Variants in FUBP3 observed in about 807,000 individuals in gnomAD.
FUBP3 encodes the protein far upstream element-binding protein 3.
FUBP3 carries 28 observed loss-of-function variants against 85.6 expected under a neutral mutation model. The observed-to-expected ratio is 0.33, with a 90% CI of 0.24 to 0.45. The LOEUF (loss-of-function observed/expected upper bound fraction) is 0.45. Ranked by LOEUF, FUBP3 falls within the 20% of genes least tolerant of loss-of-function variation. The pLI is 1.00. For missense variants in FUBP3, 583 were observed against 755.1 expected, an observed-to-expected ratio of 0.77 and a Z score of 2.67; for synonymous variants, 271 against 271.4, an observed-to-expected ratio of 1.00 and a Z score of 0.01.
chr9:130,637,373 C>G lies in FUBP3; in HGVS notation c.*351C>G, dbSNP rs1830455242. The G allele has an allele frequency of 4.0e-6, 1 of 248,838 alleles. No homozygotes were observed. Among genetic ancestry groups the G allele is most frequent in the South Asian group, 7.4e-5 (1 of 13,596 alleles). The allele number at this position is 248,838 out of a possible 1,614,324, so 15.4% of individuals were successfully genotyped here. On this transcript the variant is annotated 3_prime_UTR_variant, in exon 19 of 19. Transcript: ENST00000319725. ...GTGTCCTTTTTATTTGCAGTTTTTT[C>G]TGTTGCAACAGAAAGTGGCTTGGAA...
chr9:130,596,872 C>T (rs569126814), intron 2 of FUBP3, among the ~76,000 whole-genome samples: 11 of 152,182 alleles, frequency 7.2e-5, no homozygotes, highest in African/African-American at 2.2e-4. Flanking sequence ...TCGTGGAAAA[C>T]GGGGGTATCC....
chr9:130,620,076 A>T (rs537943598), intron 8 of FUBP3, among the ~76,000 whole-genome samples: 1 of 152,326 alleles, frequency 6.6e-6, no homozygotes, highest in South Asian at 2.1e-4. Flanking sequence ...GGGTGATAGG[A>T]ATCCATTTCT....
rs114188472 is a variant in FUBP3 at position 130,628,474 on chromosome 9, G to A, written c.1117+1969G>A. On this transcript the variant is annotated intron_variant, in intron 12 of 18. Transcript: ENST00000319725. ...TCTATAGACAGCCACCATGTGCCAA[G>A]CTAGTGACCTCATTTTGAAGGAAGA... 4.0e-3 allele frequency among the ~76,000 whole-genome samples: 607 copies of A among 152,362 alleles called. 4 individuals carry two copies. The highest frequency in any genetic ancestry group is 0.014 in the African/African-American group (590 of 41,586).
intron 2 of FUBP3, among the ~76,000 whole-genome samples, chr9:130,605,139 CT>C (rs1341206937): frequency 2.0e-5 from 3 of 152,174 alleles, no homozygotes; most frequent in Non-Finnish European, 2.9e-5. Context: ...AAGCTTAGGG[CT>C]ATGAATATAC....
At position 130,631,598 on chromosome 9, in the gene FUBP3, A is replaced by G; in HGVS notation, c.1320A>G (p.Pro440=). ...LGAPGAFGQS[P]FSQPPAPPHQ... ...CACCTGGAGCCTTCGGACAGAGTCC[A>G]TTCAGCCAGCCACCTGCCCCACCTC... The change falls in exon 14 of 19, where the codon CCA becomes CCG. Residue 440 remains proline, a synonymous_variant. Coordinates refer to ENST00000319725, the MANE Select transcript of FUBP3 (RefSeq NM_003934.2). The G allele has an allele frequency of 1.2e-6, 2 of 1,614,074 alleles. No homozygotes were observed. Among genetic ancestry groups the G allele is most frequent in the Non-Finnish European group, 1.7e-6 (2 of 1,179,924 alleles).
At chr9:130,601,499 T>C (rs1831151409) in intron 2 of FUBP3, among the ~76,000 whole-genome samples, 1 of 152,088 alleles carries the variant, frequency 6.6e-6, no homozygotes, top group Non-Finnish European at 1.5e-5. Context: ...TTCAGGAGAG[T>C]ACAGCACTGT....
chr9:130,622,485 C>T (rs951789955), intron 9 of FUBP3, among the ~76,000 whole-genome samples: 2 of 151,838 alleles, frequency 1.3e-5, no homozygotes, highest in Non-Finnish European at 2.9e-5. Context: ...TACAAAAATT[C>T]GCCGAGCATA....
intron 1 of FUBP3, among the ~76,000 whole-genome samples, chr9:130,587,187 C>T (rs1051042381): frequency 6.6e-6 from 1 of 151,976 alleles, no homozygotes. Flanking sequence ...GCCTCAGCCT[C>T]CCAAGTAGCT....
At chr9:130,619,960 T>C in intron 8 of FUBP3, among the ~76,000 whole-genome samples, 1 of 152,336 alleles carries the variant, frequency 6.6e-6, no homozygotes, top group South Asian at 2.1e-4. Context: ...CAGTGGGCGC[T>C]CTTAGACACC....
intron 8 of FUBP3, among the ~76,000 whole-genome samples, chr9:130,618,986 A>G (rs1178713191): frequency 3.9e-5 from 6 of 152,202 alleles, no homozygotes; most frequent in Admixed American, 1.3e-4. Context: ...CAGAGCTCCC[A>G]GCCTTCTCTC....
chr9:130,615,972 T>C (rs184893605), intron 6 of FUBP3, among the ~76,000 whole-genome samples: 35 of 152,334 alleles, frequency 2.3e-4, no homozygotes, highest in African/African-American at 7.7e-4. Context: ...ATATTGAGTC[T>C]ACTCTGTGAG....
chr9:130,623,219 A>G (rs1019826621), intron 10 of FUBP3, among the ~76,000 whole-genome samples: 1 of 152,198 alleles, frequency 6.6e-6, no homozygotes, highest in Non-Finnish European at 1.5e-5. Flanking sequence ...AAATTTTTAA[A>G]TTTTATAAAT....
At chr9:130,627,010 C>T (rs1160095697) in intron 12 of FUBP3, among the ~76,000 whole-genome samples, 2 of 152,212 alleles carry the variant, frequency 1.3e-5, no homozygotes, top group Non-Finnish European at 2.9e-5. Flanking sequence ...GTCACGGACT[C>T]TCTGTGGAGG....
Position 130,636,060 on chromosome 9 carries a change from A to G in FUBP3, c.1644A>G (p.Ala548=), listed in dbSNP as rs1301828340. The change falls in exon 18 of 19, where the codon GCA becomes GCG. Residue 548 remains alanine (A), a synonymous_variant. Transcript: ENST00000319725. The stretch of plus-strand genomic sequence containing the variant: ...CACCGGACTACACAATGGCCTGGGC[A>G]GAATATTACAGACAGCAGGTCGCTT... ...SSPPDYTMAW[A]EYYRQQVAFY... 6.2e-7 allele frequency: 1 copy of G among 1,613,914 alleles called. No individual in the cohort carries two copies. Among genetic ancestry groups the G allele is most frequent in the Non-Finnish European group, 8.5e-7 (1 of 1,179,908 alleles).
Position 130,585,390 on chromosome 9 carries a change from C to T in FUBP3, c.84+5626C>T, listed in dbSNP as rs185699865. On this transcript the variant is annotated intron_variant, in intron 1 of 18. Coordinates refer to ENST00000319725, the MANE Select transcript of FUBP3 (RefSeq NM_003934.2). The stretch of plus-strand genomic sequence containing the variant: ...ATCTTTTTGTAAATTGTGAGTCAGT[C>T]GCCTCTGGTTTTTATTTGAAATTTC... Among the ~76,000 whole-genome samples, 139 of 152,208 alleles carry T rather than the reference C, an allele frequency of 9.1e-4. 2 individuals are homozygous for T. Among genetic ancestry groups the T allele is most frequent in the Middle Eastern group, 6.8e-3 (2 of 294 alleles).
At position 130,632,240 on chromosome 9, in the gene FUBP3, C is replaced by T; in HGVS notation, c.1472C>T (p.Thr491Ile). 1.2e-6 allele frequency: 2 copies of T among 1,614,022 alleles called. No homozygotes were observed. Among genetic ancestry groups the T allele is most frequent in the South Asian group, 1.1e-5 (1 of 91,088 alleles). The stretch of plus-strand genomic sequence containing the variant: ...TTTCTGACCCAGGGCTGGGGCAGCA[C>T]CTACCAGGCGTGGCAGCAGCCCACA... ...PAFLTQGWGS[T>I]YQAWQQPTQQ... Residue 491 changes from threonine to isoleucine, a missense_variant, in exon 16 of 19, where the codon ACC becomes ATC. Transcript: ENST00000319725.
intron 13 of FUBP3, 69 bp downstream of exon 13, chr9:130,630,857 G>C (rs1396030232): frequency 3.3e-6 from 4 of 1,197,014 alleles, no homozygotes; most frequent in Non-Finnish European, 3.4e-6. Context: ...CAAGGTACCA[G>C]CTTTTCCCAC....
At chr9:130,619,870 C>T (rs1463068320) in intron 8 of FUBP3, among the ~76,000 whole-genome samples, 1 of 152,196 alleles carries the variant, frequency 6.6e-6, no homozygotes, top group Non-Finnish European at 1.5e-5. Flanking sequence ...GTTTGGCTTT[C>T]AGCCTTTTCT....
intron 1 of FUBP3, among the ~76,000 whole-genome samples, chr9:130,586,993 C>T (rs1830365947): frequency 6.6e-6 from 1 of 151,978 alleles, no homozygotes; most frequent in South Asian, 2.1e-4. Flanking sequence ...TTGTGATCCA[C>T]CTGCCTCGGC....
Sources: allele counts gnomAD v4.1 joint callset (sites outside exome capture counted in the v4.1 genomes callset), GRCh38; gene constraint gnomAD v4.1.1; transcripts MANE v1.5; gene names NCBI Gene and HGNC (gene_info 2026-07-23, HGNC 2026-07-21).